LIMA1: variants seen among roughly 807,000 people sequenced by gnomAD.
The protein encoded by LIMA1 is LIM domain and actin-binding protein 1.
In LIMA1, 52 loss-of-function variants were observed where a neutral mutation model predicts 62.6. That is an observed-to-expected ratio of 0.83 (90% CI 0.67 to 1.05). The LOEUF (loss-of-function observed/expected upper bound fraction) is 1.05. Among genes scored for constraint, LIMA1 ranks in the 50% least tolerant of loss-of-function variants. LIMA1 has a pLI of 0.00. For synonymous variants in LIMA1, 302 were observed against 317.8 expected (o/e 0.95, Z 0.53); for missense variants, 780 against 902.2 (o/e 0.86, Z 1.74).
At chr12:50,217,694 G>A (rs12424691) in intron 4 of LIMA1, 77,068 of 243,040 alleles carry the variant, frequency 0.32, 13,014 homozygotes, top group South Asian at 0.45. Flanking sequence ...GGCAGCACCC[G>A]CAGGTCTACA....
chr12:50,206,202 A>T, intron 4 of LIMA1, 134 bp from the exon 5 acceptor site: 4 of 600,222 alleles, frequency 6.7e-6, no homozygotes, highest in Non-Finnish European at 1.1e-5. Context: ...AATTTTTTTT[A>T]AATTACAAAT....
chr12:50,238,543 A>G (rs1441644913), intron 2 of LIMA1, among the ~76,000 whole-genome samples: 3 of 151,634 alleles, frequency 2.0e-5, no homozygotes, highest in Non-Finnish European at 4.4e-5. Flanking sequence ...AAAAGACAAA[A>G]AAAACTTTTG....
rs1940333470 is a variant in LIMA1, at chr12:50,176,332, C to T, written c.*732G>A. On this transcript the variant is annotated 3_prime_UTR_variant, in exon 11 of 11. Coordinates refer to ENST00000341247, the MANE Select transcript of LIMA1 (RefSeq NM_016357.5). ...AGATATCACCAGAAAAGAAAGCAAT[C>T]ATTTGGAGTACAGTAAATTCACTGG... The T allele has an allele frequency of 6.6e-6, 1 of 152,176 alleles. No homozygotes were observed. Among genetic ancestry groups the T allele is most frequent in the Admixed American group, 6.6e-5 (1 of 15,262 alleles). 9.4% of individuals were successfully genotyped at this position (152,176 alleles called of 1,614,324 possible).
chr12:50,210,421 AAAAAAAAAAAAAAAG>A, intron 4 of LIMA1, among the ~76,000 whole-genome samples: 1 of 144,642 alleles, frequency 6.9e-6, no homozygotes, highest in Non-Finnish European at 1.5e-5. Context: ...CCATTTCCAA[AAAAAAAAAAAAAAAG>A]AAAAAAAGAA....
chr12:50,177,475 T>C lies in LIMA1; in HGVS notation c.1869A>G (p.Glu623=), dbSNP rs1565823902. Residue 623 remains glutamate (E), a synonymous_variant, in exon 11 of 11, where the codon GAA becomes GAG. Coordinates refer to ENST00000341247, the MANE Select transcript of LIMA1 (RefSeq NM_016357.5). ...CTGCAACTCTTCCACCCACAGACTC[T>C]TCACTCTGCTCTGACATGCTCCAGC... ...RKGWSMSEQS[E]ESVGGRVAER... 1.2e-6 allele frequency: 2 copies of C among 1,614,086 alleles called. No individual in the cohort carries two copies. The highest frequency in any genetic ancestry group is 1.7e-5 in the Admixed American group (1 of 60,006).
At chr12:50,253,044 T>C (rs191382310) in intron 1 of LIMA1, among the ~76,000 whole-genome samples, 67 of 152,242 alleles carry the variant, frequency 4.4e-4, no homozygotes, top group Middle Eastern at 6.8e-3. Context: ...AAATTGACAG[T>C]TCTTAGAATA....
chr12:50,255,955 TCTCGGCTCACTGCAA>T (rs1941991608), intron 1 of LIMA1, among the ~76,000 whole-genome samples: 1 of 152,056 alleles, frequency 6.6e-6, no homozygotes, highest in South Asian at 2.1e-4. Context: ...AGTGGCGCAA[TCTCGGCTCACTGCAA>T]CCTCCGCCTC....
intron 1 of LIMA1, among the ~76,000 whole-genome samples, chr12:50,255,599 A>AAAAGAAAGG: frequency 1.3e-5 from 2 of 151,552 alleles, no homozygotes; most frequent in East Asian, 3.9e-4. Flanking sequence ...GAAAAGAAAG[A>AAAAGAAAGG]AAAGAAAGGA....
At chr12:50,243,323 T>C (rs546073111) in intron 2 of LIMA1, among the ~76,000 whole-genome samples, 1 of 152,282 alleles carries the variant, frequency 6.6e-6, no homozygotes, top group East Asian at 1.9e-4. Flanking sequence ...ACCTCCTAAG[T>C]TTTCCTACTG....
chr12:50,192,135 C>CAA (rs1006030674), intron 9 of LIMA1, among the ~76,000 whole-genome samples: 1,480 of 88,142 alleles, frequency 0.017, 19 homozygotes, highest in African/African-American at 0.06. Flanking sequence ...GATTCTGTCT[C>CAA]AAAAAAAAAA....
At chr12:50,247,651 T>C (rs1380523046) in intron 2 of LIMA1, among the ~76,000 whole-genome samples, 1 of 146,296 alleles carries the variant, frequency 6.8e-6, no homozygotes, top group East Asian at 2.0e-4. Flanking sequence ...TAAGACAGAG[T>C]CTCGCTCTGT....
chr12:50,278,375 T>G (rs1942299804), intron 1 of LIMA1, among the ~76,000 whole-genome samples: 1 of 152,012 alleles, frequency 6.6e-6, no homozygotes. Context: ...TGAGCAGAGA[T>G]CGTGCCACTG....
chr12:50,238,720 G>T (rs1413128712), intron 2 of LIMA1, among the ~76,000 whole-genome samples: 1 of 151,582 alleles, frequency 6.6e-6, no homozygotes, highest in Non-Finnish European at 1.5e-5. Flanking sequence ...TGTGGTGGTG[G>T]GTACCTGTAA....
chr12:50,202,836 A>G (rs1592515403), intron 6 of LIMA1, among the ~76,000 whole-genome samples: 1 of 152,260 alleles, frequency 6.6e-6, no homozygotes, highest in Non-Finnish European at 1.5e-5. Flanking sequence ...ATAAAATTCA[A>G]TATTGTTCTT....
At chr12:50,270,076 A>G (rs1444958668) in intron 1 of LIMA1, among the ~76,000 whole-genome samples, 2 of 151,274 alleles carry the variant, frequency 1.3e-5, no homozygotes, top group African/African-American at 4.9e-5. Flanking sequence ...CTCTACTAAA[A>G]ATACAAAATT....
At chr12:50,237,620 G>C (rs1313520913) in intron 2 of LIMA1, among the ~76,000 whole-genome samples, 1 of 151,948 alleles carries the variant, frequency 6.6e-6, no homozygotes, top group Non-Finnish European at 1.5e-5. Context: ...CTGGGCAACA[G>C]AGTGAGACTC....
intron 2 of LIMA1, among the ~76,000 whole-genome samples, chr12:50,246,231 CAAAAAAAA>C (rs923214910): frequency 1.9e-5 from 1 of 51,364 alleles, no homozygotes; most frequent in Non-Finnish European, 4.1e-5. Context: ...GACTCCATCT[CAAAAAAAA>C]AAAAAAAAAA....
At chr12:50,245,958 G>A (rs1047536962) in intron 2 of LIMA1, among the ~76,000 whole-genome samples, 6 of 151,722 alleles carry the variant, frequency 4.0e-5, no homozygotes, top group Non-Finnish European at 8.8e-5. Flanking sequence ...GCCAGGCCGG[G>A]CGTGGTGGCT....
At chr12:50,261,497 C>T (rs1942073029) in intron 1 of LIMA1, among the ~76,000 whole-genome samples, 1 of 152,114 alleles carries the variant, frequency 6.6e-6, no homozygotes, top group Non-Finnish European at 1.5e-5. Context: ...ACTACTCCCC[C>T]CGAGGACACT....
Sources: allele counts gnomAD v4.1 joint callset (sites outside exome capture counted in the v4.1 genomes callset), GRCh38; gene constraint gnomAD v4.1.1; transcripts MANE v1.5; gene names NCBI Gene and HGNC (gene_info 2026-07-23, HGNC 2026-07-21).